MAGI1: variants seen among roughly 807,000 people sequenced by gnomAD.
The protein encoded by MAGI1 is membrane associated guanylate kinase, WW and PDZ domain containing 1.
In MAGI1, 58 loss-of-function variants were observed where a neutral mutation model predicts 139.9. The ratio of observed to expected loss-of-function variants is 0.41; its 90% CI spans 0.34 to 0.52. The LOEUF is 0.52. Among genes scored for constraint, MAGI1 ranks in the 20% least tolerant of loss-of-function variants. MAGI1 has a pLI of 0.12. For synonymous variants in MAGI1, 812 were observed against 737.9 expected (o/e 1.10, Z -1.63); for missense variants, 1,874 against 1,901.6 (o/e 0.99, Z 0.27).
At chr3:65,528,038 T>C (rs551020808) in intron 2 of MAGI1, among the ~76,000 whole-genome samples, 7 of 152,330 alleles carry the variant, frequency 4.6e-5, no homozygotes, top group Non-Finnish European at 7.3e-5. Flanking sequence ...ACTGCTTTTT[T>C]TCAGTTGGGT....
chr3:65,588,785 T>C (rs2081817265), intron 2 of MAGI1, among the ~76,000 whole-genome samples: 1 of 152,208 alleles, frequency 6.6e-6, no homozygotes, highest in Admixed American at 6.5e-5. Context: ...GCTTGGCATA[T>C]ACAACATGCT....
intron 2 of MAGI1, among the ~76,000 whole-genome samples, chr3:65,561,845 T>C (rs551741942): frequency 6.6e-6 from 1 of 152,214 alleles, no homozygotes; most frequent in African/African-American, 2.4e-5. Context: ...AAACCAGTGA[T>C]TCACATTAAT....
intron 1 of MAGI1, among the ~76,000 whole-genome samples, chr3:65,971,167 C>T (rs1242139257): frequency 6.6e-6 from 1 of 152,212 alleles, no homozygotes; most frequent in East Asian, 1.9e-4. Flanking sequence ...TGTGCCACTG[C>T]ACTCCAGCCT....
At position 65,401,468 on chromosome 3, in the gene MAGI1, G is replaced by A; in HGVS notation, c.2170C>T (p.Leu724=). Residue 724 remains leucine, a splice_region_variant and synonymous_variant, in exon 13 of 23, where the codon CTG becomes TTG. Coordinates refer to ENST00000402939, the MANE Select transcript of MAGI1 (RefSeq NM_001033057.2). The part of the protein sequence containing the change: ...EVTLLVQRGG[L]PVPKKSPKSQ... ...TTTGGGCTCTTCTTGGGAACTGGCA[G>A]CCCTGGAAAAAATGCAACAAGGAGG... 3 of 1,607,578 alleles carry A rather than the reference G, an allele frequency of 1.9e-6. No homozygotes were observed. The highest frequency in any genetic ancestry group is 2.5e-6 in the Non-Finnish European group (3 of 1,177,030).
chr3:65,928,032 C>CT (rs1007748095), intron 1 of MAGI1, among the ~76,000 whole-genome samples: 10 of 152,018 alleles, frequency 6.6e-5, no homozygotes, highest in African/African-American at 1.7e-4. Context: ...TCACTCTGTT[C>CT]TTTTTTTTCT....
intron 2 of MAGI1, among the ~76,000 whole-genome samples, chr3:65,581,153 AC>A (rs2081402182): frequency 6.6e-6 from 1 of 151,306 alleles, no homozygotes; most frequent in African/African-American, 2.4e-5. Flanking sequence ...TCCAAGTTTG[AC>A]TCCCTACAGT....
chr3:65,679,751 T>TG (rs1018573313), intron 1 of MAGI1, among the ~76,000 whole-genome samples: 5 of 152,072 alleles, frequency 3.3e-5, no homozygotes, highest in African/African-American at 1.2e-4. Flanking sequence ...CCAACAGGGG[T>TG]GGGGGGAAAT....
intron 1 of MAGI1, among the ~76,000 whole-genome samples, chr3:65,920,197 G>C (rs947423518): frequency 6.6e-6 from 1 of 152,070 alleles, no homozygotes; most frequent in Non-Finnish European, 1.5e-5. Flanking sequence ...ACACATATTA[G>C]CCATCTATTT....
intron 2 of MAGI1, among the ~76,000 whole-genome samples, chr3:65,550,997 G>T (rs1292905691): frequency 6.6e-6 from 1 of 152,012 alleles, no homozygotes; most frequent in Admixed American, 6.6e-5. Context: ...TGATAGGTTT[G>T]GTTCTGTGTC....
chr3:65,378,525 G>A (rs992066977), intron 17 of MAGI1, among the ~76,000 whole-genome samples: 1 of 152,020 alleles, frequency 6.6e-6, no homozygotes, highest in African/African-American at 2.4e-5. Context: ...TATGCTCCTT[G>A]TAAAAACTCT....
At chr3:65,534,159 C>G (rs530014743) in intron 2 of MAGI1, among the ~76,000 whole-genome samples, 1 of 152,232 alleles carries the variant, frequency 6.6e-6, no homozygotes, top group East Asian at 1.9e-4. Context: ...TGTGTTTCTA[C>G]AGCATGATCA....
At chr3:65,714,463 C>T (rs182868109) in intron 1 of MAGI1, among the ~76,000 whole-genome samples, 1 of 152,134 alleles carries the variant, frequency 6.6e-6, no homozygotes, top group Admixed American at 6.5e-5. Flanking sequence ...CCACCTGGGC[C>T]CCTTCGAATC....
chr3:65,653,582 T>C (rs1006693832), intron 1 of MAGI1, among the ~76,000 whole-genome samples: 6 of 152,170 alleles, frequency 3.9e-5, no homozygotes, highest in African/African-American at 9.7e-5. Context: ...AAAACCCGAA[T>C]CATTGATAGC....
intron 1 of MAGI1, among the ~76,000 whole-genome samples, chr3:65,817,283 A>G (rs1306531962): frequency 2.0e-5 from 3 of 150,112 alleles, no homozygotes; most frequent in Admixed American, 1.3e-4. Context: ...ATGTTCACAT[A>G]TATTATATCT....
At chr3:65,967,972 A>G (rs899044616) in intron 1 of MAGI1, among the ~76,000 whole-genome samples, 1 of 152,192 alleles carries the variant, frequency 6.6e-6, no homozygotes, top group Non-Finnish European at 1.5e-5. Flanking sequence ...CTCAAAGGAG[A>G]CAGGTTATGT....
At chr3:65,540,837 T>C (rs112563382) in intron 2 of MAGI1, among the ~76,000 whole-genome samples, 21 of 152,204 alleles carry the variant, frequency 1.4e-4, no homozygotes, top group African/African-American at 5.1e-4. Flanking sequence ...GTTGGTAAAA[T>C]ATAATAACCA....
At chr3:66,036,123 T>C (rs940404198) in intron 1 of MAGI1, among the ~76,000 whole-genome samples, 3 of 152,188 alleles carry the variant, frequency 2.0e-5, no homozygotes, top group Non-Finnish European at 4.4e-5. Flanking sequence ...CAGTATTTTC[T>C]CTACAGCCCT....
At chr3:66,002,788 T>C (rs1024051713) in intron 1 of MAGI1, among the ~76,000 whole-genome samples, 5 of 152,220 alleles carry the variant, frequency 3.3e-5, no homozygotes, top group Non-Finnish European at 7.3e-5. Context: ...AGTGCTGGGA[T>C]TACAGGCATG....
intron 6 of MAGI1, 128 bp from the exon 7 acceptor site, chr3:65,448,185 C>T: frequency 9.6e-6 from 8 of 836,584 alleles, no homozygotes; most frequent in Non-Finnish European, 1.6e-5. Flanking sequence ...TCCTTACCTG[C>T]ATTGTGGCTT....
Sources: allele counts gnomAD v4.1 joint callset (sites outside exome capture counted in the v4.1 genomes callset), GRCh38; gene constraint gnomAD v4.1.1; transcripts MANE v1.5; gene names NCBI Gene and HGNC (gene_info 2026-07-23, HGNC 2026-07-21).